Variants in DNAH12 observed in about 807,000 individuals in gnomAD.
DNAH12 encodes axonemal beta dynein heavy chain 12.
Under a neutral mutation model 371.5 loss-of-function variants are expected in DNAH12, and 285 were observed. The observed-to-expected ratio is 0.77, with a 90% CI of 0.70 to 0.85. The LOEUF is 0.85. Ranked by LOEUF, DNAH12 falls within the 40% of genes least tolerant of loss-of-function variation. The pLI is 0.00. For synonymous variants in DNAH12, 1,200 were observed against 1,213.0 expected (o/e 0.99, Z 0.22); for missense variants, 3,611 against 3,689.4 (o/e 0.98, Z 0.55).
chr3:57,392,926 C>G (rs2063655564), intron 44 of DNAH12, among the ~76,000 whole-genome samples: 1 of 152,076 alleles, frequency 6.6e-6, no homozygotes, highest in Admixed American at 6.5e-5. Context: ...CAGGAGAGTA[C>G]CACTAATTTA....
intron 2 of DNAH12, among the ~76,000 whole-genome samples, chr3:57,537,250 T>C (rs1255087354): frequency 6.6e-6 from 1 of 152,018 alleles, no homozygotes; most frequent in African/African-American, 2.4e-5. Flanking sequence ...AACTAAAAAA[T>C]TTTGTAATAA....
At chr3:57,394,900 G>C (rs1277342856) in intron 43 of DNAH12, among the ~76,000 whole-genome samples, 1 of 152,282 alleles carries the variant, frequency 6.6e-6, no homozygotes, top group Admixed American at 6.5e-5. Context: ...CCTAATATAA[G>C]ATATGGGCTC....
chr3:57,448,033 G>A (rs888817035), intron 25 of DNAH12, among the ~76,000 whole-genome samples: 3 of 152,142 alleles, frequency 2.0e-5, no homozygotes, highest in African/African-American at 4.8e-5. Flanking sequence ...CTTGATTGCT[G>A]AAAACCTCGG....
chr3:57,471,781 A>G (rs979825841), intron 14 of DNAH12, among the ~76,000 whole-genome samples, 175 bp from the exon 15 acceptor site: 2 of 152,212 alleles, frequency 1.3e-5, no homozygotes, highest in African/African-American at 4.8e-5. Context: ...CCACACAGAA[A>G]AACATTCCTA....
intron 17 of DNAH12, among the ~76,000 whole-genome samples, chr3:57,464,306 G>A (rs1262142172): frequency 6.6e-6 from 1 of 152,034 alleles, no homozygotes; most frequent in East Asian, 1.9e-4. Flanking sequence ...CTATTCTGCA[G>A]CACCACACTG....
At chr3:57,413,671 T>C in intron 39 of DNAH12, 75 bp downstream of exon 39, 1 of 1,421,042 alleles carries the variant, frequency 7.0e-7, no homozygotes, top group Non-Finnish European at 9.4e-7. Context: ...TTGAAAAATG[T>C]ATTATTTTAC....
At chr3:57,482,791 A>G (rs1265609211) in intron 13 of DNAH12, among the ~76,000 whole-genome samples, 7 of 152,110 alleles carry the variant, frequency 4.6e-5, no homozygotes, top group Admixed American at 3.3e-4. Flanking sequence ...ATGCAGCTGG[A>G]AACCATCATT....
intron 49 of DNAH12, among the ~76,000 whole-genome samples, chr3:57,383,807 A>G (rs1228628402): frequency 6.6e-6 from 1 of 151,888 alleles, no homozygotes. Flanking sequence ...TACTGAGAGC[A>G]TGAAGAAAGA....
chr3:57,327,833 AAGAG>A (rs1203496053), intron 62 of DNAH12, among the ~76,000 whole-genome samples: 2 of 152,264 alleles, frequency 1.3e-5, no homozygotes, highest in South Asian at 2.1e-4. Flanking sequence ...AAAGAAAAAA[AAGAG>A]AGAAGAATCA....
At chr3:57,346,413 G>T (rs781974118) in intron 60 of DNAH12, among the ~76,000 whole-genome samples, 2 of 151,670 alleles carry the variant, frequency 1.3e-5, no homozygotes, top group Non-Finnish European at 2.9e-5. Context: ...CAAACTCAAG[G>T]GCAATAACAA....
chr3:57,425,205 T>A, intron 34 of DNAH12, 64 bp from the exon 35 acceptor site: 2 of 665,206 alleles, frequency 3.0e-6, no homozygotes, highest in South Asian at 3.3e-5. Context: ...AGAAAAACAC[T>A]TTATTTTTAA....
chr3:57,349,992 G>C (rs964808522), intron 60 of DNAH12, among the ~76,000 whole-genome samples: 1 of 152,068 alleles, frequency 6.6e-6, no homozygotes, highest in African/African-American at 2.4e-5. Flanking sequence ...ACCCGGACTG[G>C]AGACTATTAT....
upstream of DNAH12, among the ~76,000 whole-genome samples, chr3:57,545,605 T>G (rs2069515743): frequency 6.6e-6 from 1 of 152,078 alleles, no homozygotes; most frequent in Non-Finnish European, 1.5e-5. Context: ...AGGAGTCAGC[T>G]AGATTTTGCA....
chr3:57,470,798 G>T (rs751341122), intron 15 of DNAH12, among the ~76,000 whole-genome samples, 162 bp from the exon 16 acceptor site: 1 of 152,008 alleles, frequency 6.6e-6, no homozygotes, highest in Non-Finnish European at 1.5e-5. Context: ...CCTCTGCCCC[G>T]CTGGTTCAAG....
Position 57,509,861 on chromosome 3 carries a change from T to TAAAAAAA in DNAH12, c.470-656_470-650dup, listed in dbSNP as rs902155403. Among the ~76,000 whole-genome samples, 120 of 46,552 alleles carry TAAAAAAA rather than the reference T, an allele frequency of 2.6e-3. 1 individual carries two copies. Among genetic ancestry groups the TAAAAAAA allele is most frequent in the African/African-American group, 6.8e-3 (111 of 16,410 alleles). The allele number at this position is 46,552 out of a possible 152,430, so 30.5% of individuals were successfully genotyped here. On this transcript the variant is annotated intron_variant, in intron 5 of 73. Coordinates refer to ENST00000495027, the MANE Select transcript of DNAH12 (RefSeq NM_001366028.2). ...TGGGCGACAGAGTGAGACTCCATCA[T>TAAAAAAA]AAAAAAAAAAAAAAAAAAAAAAAAA...
intron 34 of DNAH12, among the ~76,000 whole-genome samples, chr3:57,427,699 C>CA (rs570378353): frequency 2.9e-4 from 44 of 150,946 alleles, no homozygotes; most frequent in African/African-American, 9.7e-4. Context: ...GACTCCATCT[C>CA]AAAAATAAAA....
At chr3:57,423,614 T>C (rs2064664255) in intron 35 of DNAH12, among the ~76,000 whole-genome samples, 1 of 152,046 alleles carries the variant, frequency 6.6e-6, no homozygotes, top group Non-Finnish European at 1.5e-5. Context: ...GATCAATGCA[T>C]TTAGGAATAA....
chr3:57,496,555 C>CT (rs1465240915), intron 11 of DNAH12, among the ~76,000 whole-genome samples: 1 of 152,156 alleles, frequency 6.6e-6, no homozygotes, highest in Non-Finnish European at 1.5e-5. Flanking sequence ...AAACCCTACT[C>CT]TTAATGTATT....
intron 47 of DNAH12, among the ~76,000 whole-genome samples, chr3:57,386,060 C>T (rs1165059422): frequency 6.6e-6 from 1 of 152,040 alleles, no homozygotes; most frequent in Non-Finnish European, 1.5e-5. Context: ...TGAACTAACA[C>T]TAGTAAGTAT....
Sources: allele counts gnomAD v4.1 joint callset (sites outside exome capture counted in the v4.1 genomes callset), GRCh38; gene constraint gnomAD v4.1.1; transcripts MANE v1.5; gene names NCBI Gene and HGNC (gene_info 2026-07-23, HGNC 2026-07-21).